The following TBXAS1 variants were observed in gnomAD, a reference collection of about 807,000 sequenced individuals.
TBXAS1 encodes the protein thromboxane A synthase 1.
TBXAS1 carries 48 observed loss-of-function variants against 60.7 expected under a neutral mutation model. The ratio of observed to expected loss-of-function variants is 0.79; its 90% CI spans 0.63 to 1.01. The LOEUF (loss-of-function observed/expected upper bound fraction) is 1.01. Among genes scored for constraint, TBXAS1 ranks in the 50% least tolerant of loss-of-function variants. The probability of loss-of-function intolerance (pLI) is 0.00; values close to 1 mark genes in which losing one functional copy is unlikely to be tolerated. For missense variants in TBXAS1, 685 were observed against 686.3 expected (o/e 1.00, Z 0.02); for synonymous variants, 287 against 269.7 (o/e 1.06, Z -0.63).
intron 6 of TBXAS1, among the ~76,000 whole-genome samples, 184 bp from the exon 7 acceptor site, chr7:139,955,275 T>C (rs1293340988): frequency 2.0e-5 from 3 of 152,002 alleles, no homozygotes; most frequent in African/African-American, 7.3e-5. Flanking sequence ...CTGCTCAGAG[T>C]GCCCCATCCA....
At chr7:139,889,298 T>C (rs1803367572) in intron 3 of TBXAS1, among the ~76,000 whole-genome samples, 1 of 149,798 alleles carries the variant, frequency 6.7e-6, no homozygotes. Context: ...CATGTCACTG[T>C]AATCCTGTCG....
intron 5 of TBXAS1, among the ~76,000 whole-genome samples, chr7:139,942,657 G>A (rs989450171): frequency 3.9e-5 from 6 of 152,214 alleles, no homozygotes; most frequent in African/African-American, 1.4e-4. Context: ...ATAGATGAGT[G>A]CCTAAGGATA....
intron 1 of TBXAS1, among the ~76,000 whole-genome samples, chr7:139,844,209 C>CAG (rs1799654688): frequency 1.3e-5 from 2 of 152,138 alleles, no homozygotes; most frequent in Non-Finnish European, 2.9e-5. Flanking sequence ...TGACACCAGA[C>CAG]TAGGGGACAG....
chr7:139,797,589 G>T (rs961141521), intron 4 of TBXAS1: 3 of 152,186 alleles, frequency 2.0e-5, no homozygotes, highest in African/African-American at 7.2e-5. Context: ...TACCTTGTAA[G>T]ATGGCCTATT....
At chr7:139,782,439 T>C (rs1009774725) in intron 2 of TBXAS1, 2 of 146,470 alleles carry the variant, frequency 1.4e-5, no homozygotes, top group Non-Finnish European at 3.0e-5. Context: ...TTCATTTTGC[T>C]TACAGGACAT....
intron 1 of TBXAS1, among the ~76,000 whole-genome samples, chr7:139,839,228 T>C (rs1232190099): frequency 6.6e-6 from 1 of 152,228 alleles, no homozygotes; most frequent in Non-Finnish European, 1.5e-5. Context: ...TCTTTTGTAT[T>C]TCTTTAATGA....
intron 4 of TBXAS1, among the ~76,000 whole-genome samples, chr7:139,805,125 A>AACAGC (rs1410091937): frequency 6.6e-6 from 1 of 152,236 alleles, no homozygotes; most frequent in Non-Finnish European, 1.5e-5. Context: ...GGGGTGTCCT[A>AACAGC]ACAGCAATCC....
chr7:140,009,962 C>T (rs867635518), intron 10 of TBXAS1, among the ~76,000 whole-genome samples: 13 of 108,850 alleles, frequency 1.2e-4, no homozygotes, highest in African/African-American at 5.4e-4. Flanking sequence ...CACACCTGCC[C>T]CGCACCTGCC....
chr7:139,983,094 A>T (rs755122893), intron 9 of TBXAS1, among the ~76,000 whole-genome samples: 1 of 152,232 alleles, frequency 6.6e-6, no homozygotes, highest in African/African-American at 2.4e-5. Flanking sequence ...CATGTTTTAT[A>T]TCATTTCTGA....
rs937808709 is a variant in TBXAS1 at position 139,900,306 on chromosome 7, G to T, written c.237-10919G>T. 6.6e-4 allele frequency among the ~76,000 whole-genome samples: 100 copies of T among 152,190 alleles called. 1 individual carries two copies. The highest frequency in any genetic ancestry group is 2.2e-3 in the African/African-American group (91 of 41,446). On this transcript the variant is annotated intron_variant, in intron 3 of 12. Coordinates refer to ENST00000448866, the MANE Select transcript of TBXAS1 (RefSeq NM_001061.7). The stretch of plus-strand genomic sequence containing the variant: ...CCATATTTCAGCCATGGCCCAGAGA[G>T]TTTCAGAAATTTGCGCCTGGAACGG...
At chr7:139,793,905 A>G (rs1045125193) in intron 4 of TBXAS1, among the ~76,000 whole-genome samples, 2 of 152,110 alleles carry the variant, frequency 1.3e-5, no homozygotes, top group African/African-American at 4.8e-5. Context: ...TTTCCTGATC[A>G]GGGTTCACGG....
intron 5 of TBXAS1, among the ~76,000 whole-genome samples, chr7:139,943,140 C>T (rs1808424536): frequency 6.6e-6 from 1 of 152,212 alleles, no homozygotes; most frequent in Non-Finnish European, 1.5e-5. Context: ...AGGAGGCATC[C>T]ATTTCCAGCA....
chr7:139,872,194 A>G (rs1801868985), intron 1 of TBXAS1, 41 bp from the exon 2 acceptor site: 1 of 1,568,608 alleles, frequency 6.4e-7, no homozygotes, highest in Admixed American at 1.7e-5. Flanking sequence ...GCATGAGTGC[A>G]ACTTCATTTC....
chr7:139,999,439 G>A lies in TBXAS1; in HGVS notation c.1135-7652G>A, dbSNP rs773833208. ...CTTGGGAGGCTGACGCATGAGACTCGCTTGAACCCGGGAGGTGGAGGTTGC... is the reference window on the plus strand; with the variant it reads ...CTTGGGAGGCTGACGCATGAGACTCACTTGAACCCGGGAGGTGGAGGTTGC... On this transcript the variant is annotated intron_variant, in intron 9 of 12. Transcript: ENST00000448866. This position sits in a 1 kb window ranked among gnomAD's most constrained non-coding sequence, Gnocchi z 4.3. Among the ~76,000 whole-genome samples the A allele has an allele frequency of 2.6e-5, 4 of 152,168 alleles. No homozygotes were observed. Among genetic ancestry groups the A allele is most frequent in the African/African-American group, 7.2e-5 (3 of 41,420 alleles).
At chr7:139,957,924 G>A (rs1281688866) in intron 8 of TBXAS1, among the ~76,000 whole-genome samples, 160 bp downstream of exon 8, 1 of 152,098 alleles carries the variant, frequency 6.6e-6, no homozygotes, top group Non-Finnish European at 1.5e-5. Context: ...AGAGAACAGA[G>A]GAAGGTTGAG....
chr7:139,820,672 T>G (rs1314082643), intron 4 of TBXAS1, among the ~76,000 whole-genome samples: 1 of 152,204 alleles, frequency 6.6e-6, no homozygotes, highest in Non-Finnish European at 1.5e-5. Flanking sequence ...ATTTTTCACA[T>G]GGTCCACTGG....
At chr7:139,930,693 G>A (rs148404243) in intron 4 of TBXAS1, among the ~76,000 whole-genome samples, 11 of 152,088 alleles carry the variant, frequency 7.2e-5, no homozygotes, top group Non-Finnish European at 1.5e-4. Flanking sequence ...TGGGGAACTG[G>A]CCAGCACATA....
intron 3 of TBXAS1, among the ~76,000 whole-genome samples, chr7:139,905,061 C>CTTTCTTTCTT (rs1319023894): frequency 3.9e-4 from 24 of 61,982 alleles, no homozygotes; most frequent in Non-Finnish European, 6.2e-4. Context: ...CTTTCTTTCT[C>CTTTCTTTCTT]TCTCTCTCTC....
intron 3 of TBXAS1, among the ~76,000 whole-genome samples, chr7:139,901,469 A>C (rs1365811331): frequency 6.6e-6 from 1 of 151,146 alleles, no homozygotes; most frequent in Non-Finnish European, 1.5e-5. Flanking sequence ...AATCAATACA[A>C]ATATATTACC....
Sources: allele counts gnomAD v4.1 joint callset (sites outside exome capture counted in the v4.1 genomes callset), GRCh38; gene constraint gnomAD v4.1.1; non-coding constraint Gnocchi (gnomAD v3.1); transcripts MANE v1.5; gene names NCBI Gene and HGNC (gene_info 2026-07-23, HGNC 2026-07-21).